Variants in STARD6 observed in about 807,000 individuals in gnomAD.
STARD6 encodes the protein StAR related lipid transfer domain containing 6, also known as stAR-related lipid transfer protein 6.
Under a neutral mutation model 22.3 loss-of-function variants are expected in STARD6, and 21 were observed. The ratio of observed to expected loss-of-function variants is 0.94; its 90% CI spans 0.67 to 1.35. The LOEUF (loss-of-function observed/expected upper bound fraction) is 1.35. Ranked by LOEUF, STARD6 falls within the 40% of genes most tolerant of loss-of-function variation. The probability of loss-of-function intolerance (pLI) is 0.00; values close to 1 mark genes in which losing one functional copy is unlikely to be tolerated. For missense variants in STARD6, 269 were observed against 266.9 expected, an observed-to-expected ratio of 1.01 and a Z score of -0.05; for synonymous variants, 80 against 88.1, an observed-to-expected ratio of 0.91 and a Z score of 0.52.
At chr18:54,357,429 G>A (rs913126689) in intron 1 of STARD6, among the ~76,000 whole-genome samples, 2 of 152,158 alleles carry the variant, frequency 1.3e-5, no homozygotes, top group African/African-American at 2.4e-5. Context: ...CGGGGTGTGA[G>A]AGGAAAGGCA....
At chr18:54,328,724 T>C (rs2088843975) in intron 7 of STARD6, among the ~76,000 whole-genome samples, 1 of 152,132 alleles carries the variant, frequency 6.6e-6, no homozygotes, top group African/African-American at 2.4e-5. Flanking sequence ...TAAAAAATCA[T>C]TTAGCAAACA....
At chr18:54,334,583 T>G (rs1343288233) in intron 5 of STARD6, among the ~76,000 whole-genome samples, 3 of 151,890 alleles carry the variant, frequency 2.0e-5, no homozygotes, top group Admixed American at 6.6e-5. Flanking sequence ...TCTTTCTACC[T>G]CAAGGCCTTT....
chr18:54,328,421 GT>G lies in STARD6; in HGVS notation c.479+925del, dbSNP rs1490629874. Among the ~76,000 whole-genome samples, 4 of 152,234 alleles carry G rather than the reference GT, an allele frequency of 2.6e-5. No homozygotes were observed. The East Asian group carries it at 7.7e-4, about 29-fold the overall frequency. ...GAATTGGAGTAATTACCCTTCATTT[GT>G]TTTGTTTTCTCCTGCTATGGAGAAT... On this transcript the variant is annotated intron_variant, in intron 7 of 7. Coordinates refer to ENST00000307844, the MANE Select transcript of STARD6 (RefSeq NM_139171.2).
chr18:54,343,274 C>T (rs1458579126), intron 4 of STARD6, among the ~76,000 whole-genome samples: 7 of 102,852 alleles, frequency 6.8e-5, no homozygotes, highest in East Asian at 5.8e-4. Context: ...GCAGCTGCCC[C>T]GTCTGAGAAG....
chr18:54,331,707 T>A (rs767212405), intron 6 of STARD6, 35 bp downstream of exon 6: 41 of 1,406,614 alleles, frequency 2.9e-5, no homozygotes, highest in Non-Finnish European at 4.0e-5. Flanking sequence ...TGGCTCGCAG[T>A]AATTCCAAGA....
Position 54,324,526 on chromosome 18 carries a change from G to T in STARD6, c.*166C>A, listed in dbSNP as rs764522725. 1.8e-6 allele frequency: 1 copy of T among 545,634 alleles called. No homozygotes were observed. The highest frequency in any genetic ancestry group is 3.0e-6 in the Non-Finnish European group (1 of 329,818). The allele number at this position is 545,634 out of a possible 1,614,324, so 33.8% of individuals were successfully genotyped here. A position where few individuals can be genotyped will look rare whatever the true frequency, so the allele number is the denominator to read the frequency against. On this transcript the variant is annotated 3_prime_UTR_variant, in exon 8 of 8. Coordinates refer to ENST00000307844, the MANE Select transcript of STARD6 (RefSeq NM_139171.2). ...AAACGGTATTTAATGCCATATTCTT[G>T]TACAACTATGAGTTCTTATTTTTAT... is the stretch of plus-strand genomic sequence containing the variant.
chr18:54,330,444 T>C (rs946482035), intron 6 of STARD6, among the ~76,000 whole-genome samples: 3 of 152,086 alleles, frequency 2.0e-5, no homozygotes, highest in Non-Finnish European at 4.4e-5. Context: ...AGCACTTATT[T>C]TGGAAAATCA....
At chr18:54,326,739 A>G (rs1419917076) in intron 7 of STARD6, among the ~76,000 whole-genome samples, 3 of 151,322 alleles carry the variant, frequency 2.0e-5, no homozygotes, top group African/African-American at 7.3e-5. Flanking sequence ...ATATTTTTAT[A>G]TAATTCTCAA....
At chr18:54,336,127 C>T (rs1173992477) in intron 5 of STARD6, among the ~76,000 whole-genome samples, 1 of 152,188 alleles carries the variant, frequency 6.6e-6, no homozygotes, top group Non-Finnish European at 1.5e-5. Flanking sequence ...TCCCTTCTCT[C>T]AACTTTCTAC....
intron 4 of STARD6, among the ~76,000 whole-genome samples, chr18:54,342,697 G>A (rs1428982220): frequency 1.0e-5 from 1 of 96,502 alleles, no homozygotes; most frequent in Non-Finnish European, 2.0e-5. Flanking sequence ...CCCTAACCGC[G>A]AGTGATCCGC....
At chr18:54,325,046 C>T (rs1270351421) in intron 7 of STARD6, among the ~76,000 whole-genome samples, 171 bp from the exon 8 acceptor site, 2 of 152,066 alleles carry the variant, frequency 1.3e-5, no homozygotes, top group Admixed American at 1.3e-4. Flanking sequence ...GAGTTTTAGG[C>T]ACCATTTCCT....
At chr18:54,338,835 G>A (rs1183907308) in intron 4 of STARD6, among the ~76,000 whole-genome samples, 3 of 151,784 alleles carry the variant, frequency 2.0e-5, no homozygotes, top group Non-Finnish European at 2.9e-5. Flanking sequence ...AGATCACGAG[G>A]TCAAGAGATC....
At chr18:54,339,686 A>AT (rs1327596775) in intron 4 of STARD6, among the ~76,000 whole-genome samples, 1 of 152,190 alleles carries the variant, frequency 6.6e-6, no homozygotes, top group African/African-American at 2.4e-5. Context: ...AAAAACAGAG[A>AT]ATTTATTGGT....
chr18:54,341,844 CCT>C (rs1244992500), intron 4 of STARD6, among the ~76,000 whole-genome samples: 7 of 151,992 alleles, frequency 4.6e-5, no homozygotes, highest in Admixed American at 4.6e-4. Flanking sequence ...AATAACCTAG[CCT>C]TTAATTTTAG....
chr18:54,333,156 T>C (rs958673523), intron 5 of STARD6, among the ~76,000 whole-genome samples: 1 of 151,960 alleles, frequency 6.6e-6, no homozygotes, highest in African/African-American at 2.4e-5. Flanking sequence ...GCAACAACAA[T>C]AGAAATTTCT....
chr18:54,343,447 G>A (rs1382600311), intron 4 of STARD6, among the ~76,000 whole-genome samples: 31 of 129,458 alleles, frequency 2.4e-4, no homozygotes, highest in Non-Finnish European at 2.2e-4. Context: ...CCGGCCAGCC[G>A]CCCGGTCTGG....
chr18:54,329,582 A>T, intron 6 of STARD6, 142 bp from the exon 7 acceptor site: 1 of 606,028 alleles, frequency 1.7e-6, no homozygotes, highest in Non-Finnish European at 2.6e-6. Context: ...GTGTATTTGC[A>T]CATGTGAAGC....
intron 4 of STARD6, among the ~76,000 whole-genome samples, chr18:54,341,606 C>T (rs563990507): frequency 2.0e-5 from 3 of 152,204 alleles, no homozygotes; most frequent in African/African-American, 7.2e-5. Flanking sequence ...TAAATTTTAA[C>T]AACAGAAATT....
At chr18:54,344,721 T>C (rs2089019574) in intron 4 of STARD6, among the ~76,000 whole-genome samples, 1 of 152,088 alleles carries the variant, frequency 6.6e-6, no homozygotes. Context: ...GTGGGATTTA[T>C]CCCAGAATGC....
Sources: gnomAD v4.1 joint callset for allele counts (sites outside exome capture counted in the v4.1 genomes callset) on GRCh38, gnomAD v4.1.1 for gene constraint, MANE v1.5 for transcripts, NCBI Gene and HGNC (gene_info 2026-07-23, HGNC 2026-07-21) for gene names.